Variants in KCNH5 observed in about 807,000 individuals in gnomAD.
KCNH5 encodes the protein voltage-gated delayed rectifier potassium channel KCNH5.
Under a neutral mutation model 96.1 loss-of-function variants are expected in KCNH5, and 46 were observed. The ratio of observed to expected loss-of-function variants is 0.48; its 90% confidence interval spans 0.38 to 0.61. The LOEUF (loss-of-function observed/expected upper bound fraction) is 0.61, where lower values mean the gene tolerates loss of function less well. Ranked by LOEUF, KCNH5 falls within the 20% of genes least tolerant of loss-of-function variation. The pLI, the probability that KCNH5 is intolerant of heterozygous loss-of-function variation, is 0.00. For missense variants in KCNH5, 907 were observed against 1,225.8 expected (o/e 0.74, Z 3.88); for synonymous variants, 439 against 449.8 (o/e 0.98, Z 0.30).
At chr14:62,735,146 A>T (rs1449573991) in intron 10 of KCNH5, among the ~76,000 whole-genome samples, 13 of 152,182 alleles carry the variant, frequency 8.5e-5, no homozygotes, top group Admixed American at 8.5e-4. Context: ...TCTTGCAGGA[A>T]ATAAAGCTTA....
chr14:62,959,432 T>A (rs1156937176), intron 6 of KCNH5, among the ~76,000 whole-genome samples: 1 of 152,068 alleles, frequency 6.6e-6, no homozygotes, highest in East Asian at 1.9e-4. Context: ...TCAGCAAATA[T>A]CCAGTCCACT....
chr14:62,953,589 T>C (rs1412453660), intron 6 of KCNH5, among the ~76,000 whole-genome samples: 4 of 152,214 alleles, frequency 2.6e-5, no homozygotes, highest in Admixed American at 1.3e-4. Context: ...GACATCATTA[T>C]CCACCCAGTC....
chr14:62,771,836 G>A (rs1331382794), intron 10 of KCNH5, among the ~76,000 whole-genome samples: 1 of 152,034 alleles, frequency 6.6e-6, no homozygotes, highest in African/African-American at 2.4e-5. Context: ...TTACACCAGT[G>A]ACAAAATAAG....
chr14:62,968,677 A>T (rs1890349269), intron 6 of KCNH5, among the ~76,000 whole-genome samples: 1 of 152,182 alleles, frequency 6.6e-6, no homozygotes, highest in Non-Finnish European at 1.5e-5. Context: ...AACAAAAAGC[A>T]TGTATAGTTA....
At chr14:62,798,119 C>A (rs888737219) in intron 9 of KCNH5, among the ~76,000 whole-genome samples, 3 of 152,120 alleles carry the variant, frequency 2.0e-5, no homozygotes, top group African/African-American at 7.2e-5. Context: ...TTATTCCTGG[C>A]CTCGTTTATG....
At chr14:62,844,316 G>A (rs1887648602) in intron 8 of KCNH5, among the ~76,000 whole-genome samples, 1 of 151,928 alleles carries the variant, frequency 6.6e-6, no homozygotes. Flanking sequence ...AAAAAATCCA[G>A]TATGATGGGA....
chr14:62,753,725 C>T (rs957375335), intron 10 of KCNH5, among the ~76,000 whole-genome samples: 2 of 152,086 alleles, frequency 1.3e-5, no homozygotes, highest in Non-Finnish European at 2.9e-5. Context: ...CCCTTTTACC[C>T]TAGAATAGTT....
At chr14:62,878,070 T>C (rs1698859307) in intron 7 of KCNH5, among the ~76,000 whole-genome samples, 2 of 151,832 alleles carry the variant, frequency 1.3e-5, no homozygotes. Context: ...TTGGAAATCA[T>C]CATTCTCAGT....
At chr14:62,943,288 G>C (rs990753580) in intron 7 of KCNH5, among the ~76,000 whole-genome samples, 1 of 152,030 alleles carries the variant, frequency 6.6e-6, no homozygotes, top group African/African-American at 2.4e-5. Flanking sequence ...TTTGGAAGAG[G>C]ATTTTTAAAA....
intron 6 of KCNH5, among the ~76,000 whole-genome samples, chr14:62,961,922 G>C (rs563166527): frequency 6.6e-6 from 1 of 151,652 alleles, no homozygotes. Flanking sequence ...GATGGAGATG[G>C]AGATGGAGAT....
chr14:62,877,433 G>A (rs148620321), intron 7 of KCNH5, among the ~76,000 whole-genome samples: 2,669 of 152,086 alleles, frequency 0.018, 34 homozygotes, highest in South Asian at 0.034. Context: ...GAAAGTTTTC[G>A]CAACCTACTC....
chr14:62,703,647 T>G lies in KCNH5; in HGVS notation c.*3861A>C, dbSNP rs1884380850. 6.6e-6 allele frequency: 1 copy of G among 151,834 alleles called. No homozygotes were observed. 9.4% of individuals were successfully genotyped at this position (151,834 alleles called of 1,614,324 possible). A position where few individuals can be genotyped will look rare whatever the true frequency, so the allele number is the denominator to read the frequency against. On this transcript the variant is annotated 3_prime_UTR_variant, in exon 11 of 11. Transcript: ENST00000322893. Reference sequence around the variant, plus strand: ...ACTTAAGGTGTTTTCCAAAAGACTGTTTTTGTCTTTTCCCCCTTTCCATTA... The same window carrying G: ...ACTTAAGGTGTTTTCCAAAAGACTGGTTTTGTCTTTTCCCCCTTTCCATTA...
intron 6 of KCNH5, 109 bp from the exon 7 acceptor site, chr14:62,950,668 T>A: frequency 1.1e-6 from 1 of 879,556 alleles, no homozygotes; most frequent in Non-Finnish European, 1.7e-6. Flanking sequence ...AATTATATAT[T>A]AAGAACATAT....
In KCNH5 at chr14:62,788,375, C is replaced by T. The variant is rs370110326; in HGVS notation, c.1823-8451G>A. ...CCAACAGGTGAGAAGTTGCTACTTA[C>T]GGATGAGCAAAGAAAGTGGTTTCTT... On this transcript the variant is annotated intron_variant, in intron 9 of 10. Transcript: ENST00000322893. Among the ~76,000 whole-genome samples the T allele has an allele frequency of 5.3e-5, 8 of 152,224 alleles. No individual in the cohort carries two copies. In the East Asian group the frequency reaches 7.7e-4, roughly 15 times the overall value.
At chr14:63,011,915 G>A (rs1891235738) in intron 2 of KCNH5, among the ~76,000 whole-genome samples, 2 of 152,080 alleles carry the variant, frequency 1.3e-5, no homozygotes, top group Non-Finnish European at 2.9e-5. Flanking sequence ...AACTTGATGG[G>A]GTTGGATAAG....
chr14:62,793,408 A>C (rs1886475402), intron 9 of KCNH5, among the ~76,000 whole-genome samples: 1 of 151,818 alleles, frequency 6.6e-6, no homozygotes, highest in Non-Finnish European at 1.5e-5. Context: ...ACACAGACTC[A>C]TCACATTGTG....
chr14:62,815,156 A>G (rs1337636945), intron 8 of KCNH5, among the ~76,000 whole-genome samples: 1 of 152,218 alleles, frequency 6.6e-6, no homozygotes, highest in Non-Finnish European at 1.5e-5. Flanking sequence ...TCTCAACAAC[A>G]TAATGTTGAC....
At chr14:62,882,453 C>T (rs911797997) in intron 7 of KCNH5, among the ~76,000 whole-genome samples, 1 of 152,138 alleles carries the variant, frequency 6.6e-6, no homozygotes, top group Non-Finnish European at 1.5e-5. Context: ...GTCTCACAAG[C>T]AATGTGCTAT....
intron 7 of KCNH5, among the ~76,000 whole-genome samples, chr14:62,910,662 T>C (rs1889131193): frequency 6.6e-6 from 1 of 152,132 alleles, no homozygotes; most frequent in Non-Finnish European, 1.5e-5. Context: ...ATTCAAGATC[T>C]TTATGGAGAA....
Sources: gnomAD v4.1 joint callset for allele counts (sites outside exome capture counted in the v4.1 genomes callset) on GRCh38, gnomAD v4.1.1 for gene constraint, MANE v1.5 for transcripts, NCBI Gene and HGNC (gene_info 2026-07-23, HGNC 2026-07-21) for gene names.